Variants in FAM163A observed in about 807,000 individuals in gnomAD.
The protein encoded by FAM163A is protein FAM163A.
Under a neutral mutation model 12.0 loss-of-function variants are expected in FAM163A, and 7 were observed. The observed-to-expected ratio is 0.58, with a 90% CI of 0.33 to 1.10. FAM163A has a LOEUF of 1.10. Among genes scored for constraint, FAM163A ranks in the 50% least tolerant of loss-of-function variants. The pLI is 0.03. For synonymous variants in FAM163A, 101 were observed against 91.0 expected (o/e 1.11, Z -0.62); for missense variants, 202 against 218.6 (o/e 0.92, Z 0.48).
chr1:179,745,251 C>T (rs1396025711), intron 1 of FAM163A, among the ~76,000 whole-genome samples: 1 of 152,004 alleles, frequency 6.6e-6, no homozygotes, highest in East Asian at 1.9e-4. Flanking sequence ...TCAGTGACCT[C>T]ATCAGGCATA....
chr1:179,789,988 G>A (rs1691209312), intron 1 of FAM163A, among the ~76,000 whole-genome samples: 1 of 152,110 alleles, frequency 6.6e-6, no homozygotes, highest in Non-Finnish European at 1.5e-5. Context: ...TTTTAGAAGA[G>A]GGAAAGGACA....
chr1:179,756,596 C>A (rs927788749), intron 1 of FAM163A, among the ~76,000 whole-genome samples: 1 of 152,184 alleles, frequency 6.6e-6, no homozygotes, highest in Non-Finnish European at 1.5e-5. Flanking sequence ...AAGAATACAA[C>A]GTCTAGGAGT....
chr1:179,795,326 G>A (rs1182661680), intron 1 of FAM163A, among the ~76,000 whole-genome samples: 7 of 152,178 alleles, frequency 4.6e-5, no homozygotes, highest in South Asian at 2.1e-4. Flanking sequence ...TGGCTTGAAT[G>A]TGTCCCCCAA....
chr1:179,773,885 C>T (rs1010321267), intron 1 of FAM163A, among the ~76,000 whole-genome samples: 43 of 152,220 alleles, frequency 2.8e-4, no homozygotes, highest in Admixed American at 7.8e-4. Context: ...CCGGTATTCG[C>T]AGGCATGTTG....
intron 1 of FAM163A, among the ~76,000 whole-genome samples, chr1:179,800,708 C>G: frequency 6.6e-6 from 1 of 152,116 alleles, no homozygotes; most frequent in South Asian, 2.1e-4. Context: ...TTCCTTAGCG[C>G]TCAGTAAGTA....
In FAM163A at chr1:179,770,613, C is replaced by T. The variant is rs111817034; in HGVS notation, c.-136+27190C>T. Among the ~76,000 whole-genome samples, 1,436 of 152,228 alleles carry T rather than the reference C, an allele frequency of 9.4e-3. 26 individuals carry two copies. The highest frequency in any genetic ancestry group is 0.033 in the African/African-American group (1,380 of 41,526). ...TGAAATTCTTTCAGTTCCTCAAAAGCACCATGCTCTTTCTCATTTCCAGGC... is the reference window on the plus strand; with the variant it reads ...TGAAATTCTTTCAGTTCCTCAAAAGTACCATGCTCTTTCTCATTTCCAGGC... On this transcript the variant is annotated intron_variant, in intron 1 of 4. Transcript: ENST00000341785.
chr1:179,783,746 AT>A (rs869082414), intron 1 of FAM163A, among the ~76,000 whole-genome samples: 3,114 of 65,376 alleles, frequency 0.048, 146 homozygotes, highest in African/African-American at 0.25. Flanking sequence ...GAGCCCAAAT[AT>A]TATATATATA....
At chr1:179,799,643 A>G (rs150701312) in intron 1 of FAM163A, among the ~76,000 whole-genome samples, 1 of 152,380 alleles carries the variant, frequency 6.6e-6, no homozygotes, top group Non-Finnish European at 1.5e-5. Flanking sequence ...AAGCATAGGA[A>G]AACTCTCTAA....
chr1:179,755,806 C>T (rs183833769), intron 1 of FAM163A, among the ~76,000 whole-genome samples: 18 of 152,176 alleles, frequency 1.2e-4, no homozygotes, highest in Admixed American at 7.8e-4. Context: ...TCAAGGTCTC[C>T]GAACTTAGCT....
rs1429797170 is a variant in FAM163A, at chr1:179,815,105, G to GCACACA, written c.*917_*918insACACAC. 232 of 85,284 alleles carry GCACACA rather than the reference G, an allele frequency of 2.7e-3. No homozygotes were observed. The highest frequency in any genetic ancestry group is 1.7e-3 in the African/African-American group (34 of 20,250). The allele number at this position is 85,284 out of a possible 1,614,324, so 5.3% of individuals were successfully genotyped here. ...TTCCCAGGTGTACGCACGCGCGCGC[G>GCACACA]CGCGCACAGACACACACACACACAC... On this transcript the variant is annotated 3_prime_UTR_variant, in exon 5 of 5. Coordinates refer to ENST00000341785, the MANE Select transcript of FAM163A (RefSeq NM_173509.3).
In FAM163A at chr1:179,810,483, C is replaced by T. The variant is rs75113479; in HGVS notation, c.-44-1627C>T. Among the ~76,000 whole-genome samples the T allele has an allele frequency of 6.4e-3, 982 of 152,300 alleles. 9 individuals carry two copies. The highest frequency in any genetic ancestry group is 0.022 in the African/African-American group (917 of 41,560). On this transcript the variant is annotated intron_variant, in intron 2 of 4. Coordinates refer to ENST00000341785, the MANE Select transcript of FAM163A (RefSeq NM_173509.3). ...CCTGCCCTGGCCTGTCCCAGCCTCG[C>T]CAGATCCCTCGCAGTTCCTGGAACT...
At chr1:179,813,518 T>A (rs1472950567) in intron 4 of FAM163A, among the ~76,000 whole-genome samples, 1 of 152,200 alleles carries the variant, frequency 6.6e-6, no homozygotes, top group African/African-American at 2.4e-5. Context: ...GCTCCAGCCC[T>A]GTCCTCAATA....
intron 2 of FAM163A, among the ~76,000 whole-genome samples, chr1:179,808,648 A>C (rs1309479540): frequency 1.3e-5 from 2 of 152,248 alleles, no homozygotes; most frequent in African/African-American, 4.8e-5. Context: ...TATTCACAGA[A>C]GTGACATCCC....
chr1:179,748,578 G>T (rs1372043147), intron 1 of FAM163A, among the ~76,000 whole-genome samples: 1 of 152,176 alleles, frequency 6.6e-6, no homozygotes, highest in Non-Finnish European at 1.5e-5. Context: ...GTGCGGGAGA[G>T]GAACATTCAC....
intron 1 of FAM163A, among the ~76,000 whole-genome samples, chr1:179,792,471 G>A (rs768463480): frequency 6.6e-6 from 1 of 152,080 alleles, no homozygotes; most frequent in African/African-American, 2.4e-5. Flanking sequence ...TAAACAGAAG[G>A]CCCAGTCTCA....
chr1:179,799,834 C>T (rs1052544034), intron 1 of FAM163A, among the ~76,000 whole-genome samples: 2 of 152,172 alleles, frequency 1.3e-5, no homozygotes, highest in Non-Finnish European at 2.9e-5. Flanking sequence ...TGCCCACACT[C>T]GTGTAAAATG....
At chr1:179,811,367 G>C (rs1166688523) in intron 2 of FAM163A, among the ~76,000 whole-genome samples, 1 of 152,158 alleles carries the variant, frequency 6.6e-6, no homozygotes, top group Non-Finnish European at 1.5e-5. Context: ...TCACTGGTGT[G>C]GGGGACAGAA....
intron 2 of FAM163A, among the ~76,000 whole-genome samples, chr1:179,808,281 T>C (rs1044679748): frequency 6.6e-6 from 1 of 152,266 alleles, no homozygotes; most frequent in Non-Finnish European, 1.5e-5. Flanking sequence ...GATTCAAGAA[T>C]GTATTCGTTA....
intron 1 of FAM163A, among the ~76,000 whole-genome samples, chr1:179,769,170 A>C (rs746318343): frequency 6.6e-6 from 1 of 152,126 alleles, no homozygotes; most frequent in Non-Finnish European, 1.5e-5. Flanking sequence ...CTTTGAGACA[A>C]GATCTCGCTC....
Sources: allele counts gnomAD v4.1 joint callset (sites outside exome capture counted in the v4.1 genomes callset), GRCh38; gene constraint gnomAD v4.1.1; transcripts MANE v1.5; gene names NCBI Gene and HGNC (gene_info 2026-07-23, HGNC 2026-07-21).